POLE: variants seen among roughly 807,000 people sequenced by gnomAD.
POLE encodes the protein DNA polymerase epsilon, catalytic subunit.
POLE carries 188 observed loss-of-function variants against 279.2 expected under a neutral mutation model. That is an observed-to-expected ratio of 0.67 (90% CI 0.60 to 0.76). The LOEUF (loss-of-function observed/expected upper bound fraction) is 0.76, where lower values mean the gene tolerates loss of function less well. Ranked by LOEUF, POLE falls within the 30% of genes least tolerant of loss-of-function variation. POLE has a pLI of 0.00. For missense variants in POLE, 2,703 were observed against 3,016.7 expected, an observed-to-expected ratio of 0.90 and a Z score of 2.44; for synonymous variants, 1,214 against 1,172.5, an observed-to-expected ratio of 1.04 and a Z score of -0.72.
At chr12:132,671,778 A>G (rs2042934149) in intron 16 of POLE, among the ~76,000 whole-genome samples, 1 of 151,628 alleles carries the variant, frequency 6.6e-6, no homozygotes, top group African/African-American at 2.4e-5. Flanking sequence ...CACATAACAC[A>G]CTTTGTAAGT....
At chr12:132,626,599 T>C (rs990721416) in intron 45 of POLE, among the ~76,000 whole-genome samples, 1 of 148,582 alleles carries the variant, frequency 6.7e-6, no homozygotes, top group Non-Finnish European at 1.5e-5. Flanking sequence ...ACCCATTCTA[T>C]GAGGCCAGCA....
At chr12:132,672,490 T>C (rs1008812675) in intron 15 of POLE, 137 bp downstream of exon 15, 8 of 1,090,508 alleles carry the variant, frequency 7.3e-6, no homozygotes, top group Non-Finnish European at 9.4e-6. Flanking sequence ...CGGGGGGTGC[T>C]GGGCCAGAGA....
chr12:132,671,805 A>C (rs551644826), intron 16 of POLE, among the ~76,000 whole-genome samples: 1 of 151,956 alleles, frequency 6.6e-6, no homozygotes, highest in East Asian at 1.9e-4. Flanking sequence ...TCTAACCATT[A>C]TGTAAACAGA....
Position 132,655,256 on chromosome 12 carries a change from T to C in POLE, c.3582+1880A>G, listed in dbSNP as rs1480588707. On this transcript the variant is annotated intron_variant, in intron 29 of 48. Transcript: ENST00000320574. The stretch of plus-strand genomic sequence containing the variant: ...AATTTTAATAGCATTTGTATTTACA[T>C]TCAGTTCCAAGTATTGTCTAAGTTC... 5.3e-5 allele frequency among the ~76,000 whole-genome samples: 8 copies of C among 152,254 alleles called. No homozygotes were observed. In the East Asian group the frequency reaches 1.5e-3, roughly 29 times the overall value.
At chr12:132,648,647 A>G in intron 32 of POLE, 1 of 343,732 alleles carries the variant, frequency 2.9e-6, no homozygotes, top group East Asian at 4.7e-5. Flanking sequence ...GAGCCTACGG[A>G]GACAGAGTTC....
chr12:132,634,499 C>T lies in POLE; in HGVS notation c.5812-121G>A. ...CTGCCCCGTTTGACCAGAGGCCTTCCTCGCAGTCAAGGCATCCCCTGGAGC... is the reference window on the plus strand; with the variant it reads ...CTGCCCCGTTTGACCAGAGGCCTTCTTCGCAGTCAAGGCATCCCCTGGAGC... On this transcript the variant is annotated intron_variant, in intron 42 of 48. Transcript: ENST00000320574. The surrounding 1 kb of genome is among the most constrained non-coding windows in gnomAD (Gnocchi z 4.0). 5 of 966,028 alleles carry T rather than the reference C, an allele frequency of 5.2e-6. No homozygotes were observed. Among genetic ancestry groups the T allele is most frequent in the Non-Finnish European group, 6.3e-6 (4 of 635,978 alleles). 59.8% of individuals were successfully genotyped at this position (966,028 alleles called of 1,614,324 possible).
intron 13 of POLE, 128 bp downstream of exon 13, chr12:132,673,447 G>T: frequency 7.2e-7 from 1 of 1,383,390 alleles, no homozygotes; most frequent in Non-Finnish European, 1.0e-6. Flanking sequence ...GGGTGGAGCG[G>T]GCTGGCATAC....
rs2136015586 is a variant in POLE at position 132,676,564 on chromosome 12, G to A, written c.891C>T (p.Ser297=). 2 of 1,613,288 alleles carry A rather than the reference G, an allele frequency of 1.2e-6. No homozygotes were observed. The highest frequency in any genetic ancestry group is 2.2e-5 in the East Asian group (1 of 44,886). The change falls in exon 9 of 49, where the codon TCC becomes TCT. Residue 297 remains serine (S), a synonymous_variant. Coordinates refer to ENST00000320574, the MANE Select transcript of POLE (RefSeq NM_006231.4). ...DAETDQIMMI[S]YMIDGQGYLI... ...TGCTCACCTGGCCATCGATCATGTA[G>A]GAAATCATCATAATCTGGTCTGTCT...
Position 132,668,073 on chromosome 12 carries a change from A to G in POLE, c.2173+283T>C, listed in dbSNP as rs2042835963. Among the ~76,000 whole-genome samples the G allele has an allele frequency of 9.3e-6, 1 of 107,208 alleles. No homozygotes were observed. Among genetic ancestry groups the G allele is most frequent in the African/African-American group, 4.6e-5 (1 of 21,910 alleles). 70.3% of individuals were successfully genotyped at this position (107,208 alleles called of 152,430 possible). On this transcript the variant is annotated intron_variant, in intron 19 of 48. Transcript: ENST00000320574. This position sits in a 1 kb window ranked among gnomAD's most constrained non-coding sequence, Gnocchi z 4.0. ...ATTCCAGCCTGGGTGACAGAGTGAGACCTCATTTCAAAAAAAAAAAGAAAG... is the reference window on the plus strand; with the variant it reads ...ATTCCAGCCTGGGTGACAGAGTGAGGCCTCATTTCAAAAAAAAAAAGAAAG...
At chr12:132,636,089 T>A (rs2138488402) in intron 41 of POLE, 65 bp from the exon 42 acceptor site, 2 of 1,549,180 alleles carry the variant, frequency 1.3e-6, no homozygotes, top group Non-Finnish European at 1.8e-6. Flanking sequence ...TTTCCTTTAT[T>A]TCCCCTTGTA....
In POLE at chr12:132,676,910, T is replaced by C. The variant is rs530623855; in HGVS notation, c.802-257A>G. Among the ~76,000 whole-genome samples the C allele has an allele frequency of 3.3e-5, 5 of 152,278 alleles. No individual in the cohort carries two copies. In the South Asian group the frequency reaches 1.0e-3, roughly 32 times the overall value. On this transcript the variant is annotated intron_variant, in intron 8 of 48. Coordinates refer to ENST00000320574, the MANE Select transcript of POLE (RefSeq NM_006231.4). ...TCACAGAACTTTAGGAGAAAAACTC[T>C]TCAAAAGACATCACCTCATTCTGGT...
rs748371797 is a variant in POLE, at chr12:132,632,394, G to A, written c.6251C>T (p.Ser2084Leu). 5.6e-6 allele frequency: 9 copies of A among 1,613,832 alleles called. No individual in the cohort carries two copies. The highest frequency in any genetic ancestry group is 3.3e-5 in the Admixed American group (2 of 60,018). Reference protein sequence around the residue: ...VTGSRNSTELSEMFPVLPGSH... With the variant: ...VTGSRNSTELLEMFPVLPGSH... Reference sequence around the variant, plus strand: ...ACCGGGGAGGACAGGAAACATCTCTGAGAGCTCAGTGGAGTTCCGAGAGCC... The same window carrying A: ...ACCGGGGAGGACAGGAAACATCTCTAAGAGCTCAGTGGAGTTCCGAGAGCC... The change falls in exon 45 of 49, where the codon TCA (serine) becomes TTA (leucine). Residue 2084 changes from serine to leucine, a missense_variant. Transcript: ENST00000320574.
chr12:132,626,099 G>T lies in POLE; in HGVS notation c.6531+18C>A. The T allele has an allele frequency of 6.3e-7, 1 of 1,577,650 alleles. No individual in the cohort carries two copies. The highest frequency in any genetic ancestry group is 1.2e-5 in the South Asian group (1 of 86,902). ...TGTTCTGCTCCACAGTGAAGGGCCC[G>T]CTGGAGCTCAGCCGCACCTCTGAGA... On this transcript the variant is annotated intron_variant, in intron 46 of 48. Transcript: ENST00000320574.
At chr12:132,666,905 T>C (rs2042809271) in intron 20 of POLE, among the ~76,000 whole-genome samples, 1 of 152,102 alleles carries the variant, frequency 6.6e-6, no homozygotes, top group Non-Finnish European at 1.5e-5. Flanking sequence ...CATGTGACGA[T>C]GAGTTCAGCA....
intron 29 of POLE, chr12:132,650,661 T>C (rs1215203504): frequency 6.6e-6 from 1 of 152,138 alleles, no homozygotes; most frequent in Non-Finnish European, 1.5e-5. Flanking sequence ...CGTCACTCAA[T>C]ACCACCAATA....
rs1452463394 is a variant in POLE, at chr12:132,687,219, G to A, written c.62+35C>T. The A allele has an allele frequency of 2.8e-6, 4 of 1,411,726 alleles. No individual in the cohort carries two copies. In the Admixed American group the frequency reaches 7.1e-5, roughly 25 times the overall value. The allele number at this position is 1,411,726 out of a possible 1,614,324, so 87.4% of individuals were successfully genotyped here. A position where few individuals can be genotyped will look rare whatever the true frequency, so the allele number is the denominator to read the frequency against. ...GACGGCCCCATGGCACCCTCCGGAGGGCCGGCCCGAGAGCCTCAGGAGGGC... is the reference window on the plus strand; with the variant it reads ...GACGGCCCCATGGCACCCTCCGGAGAGCCGGCCCGAGAGCCTCAGGAGGGC... On this transcript the variant is annotated intron_variant, in intron 1 of 48. Transcript: ENST00000320574.
chr12:132,656,003 A>C (rs2042525235), intron 29 of POLE, among the ~76,000 whole-genome samples: 2 of 149,312 alleles, frequency 1.3e-5, no homozygotes, highest in South Asian at 4.2e-4. Context: ...TCTCTACTAA[A>C]AATTTAAAAA....
intron 19 of POLE, 116 bp from the exon 20 acceptor site, chr12:132,667,764 T>G (rs2042830238): frequency 3.8e-6 from 4 of 1,057,990 alleles, no homozygotes; most frequent in Admixed American, 1.9e-5. Flanking sequence ...GAGCAACAGC[T>G]CAGATACACT....
At position 132,673,244 on chromosome 12, in the gene POLE, C is replaced by T. The variant is rs771526654; in HGVS notation, c.1393G>A (p.Ala465Thr). 6 of 1,613,020 alleles carry T rather than the reference C, an allele frequency of 3.7e-6. No individual in the cohort carries two copies. Among genetic ancestry groups the T allele is most frequent in the Non-Finnish European group, 4.2e-6 (5 of 1,179,090 alleles). ...LATYSVSDAV[A>T]TYYLYMKYVH... Reference sequence around the variant, plus strand: ...TACTTCATGTACAGGTAGTAAGTGGCGACAGCATCTGACACAGAATACGTG... The same window carrying T: ...TACTTCATGTACAGGTAGTAAGTGGTGACAGCATCTGACACAGAATACGTG... The change falls in exon 14 of 49, where the codon GCC (alanine) becomes ACC (threonine). Residue 465 changes from alanine (A) to threonine (T), a missense_variant. Physicochemically the swap from Ala to Thr is moderately conservative, Grantham distance 58. Around this residue, in one of 5 missense-constraint regions of POLE, gnomAD observed 1,011 missense variants for 1,111.7 expected, o/e 0.91. Coordinates refer to ENST00000320574, the MANE Select transcript of POLE (RefSeq NM_006231.4).
Sources: gnomAD v4.1 joint callset for allele counts (sites outside exome capture counted in the v4.1 genomes callset) on GRCh38, gnomAD v4.1.1 for gene constraint, gnomAD v4.1.1 regional missense constraint, Gnocchi (gnomAD v3.1) non-coding constraint, MANE v1.5 for transcripts, NCBI Gene and HGNC (gene_info 2026-07-23, HGNC 2026-07-21) for gene names.